The following EYS variants were observed in gnomAD, a reference collection of about 807,000 sequenced individuals.
EYS encodes the protein EGF-like photoreceptor maintenance factor.
EYS carries 250 observed loss-of-function variants against 282.1 expected under a neutral mutation model. That is an observed-to-expected ratio of 0.89 (90% confidence interval 0.80 to 0.98). The LOEUF is 0.98. Among genes scored for constraint, EYS ranks in the 50% least tolerant of loss-of-function variants. The probability of loss-of-function intolerance (pLI) is 0.00; values close to 1 mark genes in which losing one functional copy is unlikely to be tolerated. For missense variants in EYS, 4,016 were observed against 3,709.0 expected (o/e 1.08, Z -2.15); for synonymous variants, 1,355 against 1,282.9 (o/e 1.06, Z -1.20).
At chr6:64,315,801 C>T (rs1485698964) in intron 29 of EYS, among the ~76,000 whole-genome samples, 8 of 151,564 alleles carry the variant, frequency 5.3e-5, no homozygotes, top group African/African-American at 1.9e-4. Flanking sequence ...CTATGAACAT[C>T]GATGAGAAAA....
chr6:64,734,287 T>A (rs1772105220), intron 22 of EYS, among the ~76,000 whole-genome samples: 1 of 152,152 alleles, frequency 6.6e-6, no homozygotes, highest in Admixed American at 6.5e-5. Context: ...CCTTTTATTA[T>A]CCATGTAAGT....
At chr6:65,149,218 T>C (rs1041261471) in intron 12 of EYS, among the ~76,000 whole-genome samples, 1 of 152,126 alleles carries the variant, frequency 6.6e-6, no homozygotes, top group Non-Finnish European at 1.5e-5. Flanking sequence ...ATTTTCTAAA[T>C]TTTTATGCTC....
chr6:64,072,095 G>A (rs1315530103), intron 32 of EYS, among the ~76,000 whole-genome samples: 2 of 152,026 alleles, frequency 1.3e-5, no homozygotes, highest in Non-Finnish European at 2.9e-5. Flanking sequence ...GCAACACAAA[G>A]TAATACATAA....
At chr6:64,552,736 A>ACCC (rs533975424) in intron 26 of EYS, among the ~76,000 whole-genome samples, 1 of 143,506 alleles carries the variant, frequency 7.0e-6, no homozygotes, top group African/African-American at 2.6e-5. Context: ...AACATGGTGA[A>ACCC]CCCCCCCCAC....
chr6:64,758,589 T>G (rs931074233), intron 22 of EYS, among the ~76,000 whole-genome samples: 1 of 152,174 alleles, frequency 6.6e-6, no homozygotes, highest in Non-Finnish European at 1.5e-5. Flanking sequence ...GGAATTACTT[T>G]TCTCCCTCTA....
chr6:64,703,906 A>G (rs1180043768), intron 22 of EYS, among the ~76,000 whole-genome samples: 2 of 152,098 alleles, frequency 1.3e-5, no homozygotes, highest in Non-Finnish European at 2.9e-5. Context: ...GGGCATTATT[A>G]TTTTATCTTT....
At chr6:65,255,050 C>A (rs1431890497) in intron 12 of EYS, among the ~76,000 whole-genome samples, 2 of 151,548 alleles carry the variant, frequency 1.3e-5, no homozygotes, top group Admixed American at 6.6e-5. Flanking sequence ...TATGGAAGCA[C>A]AAAAGACCCA....
rs934388182 is a variant in EYS at position 65,593,113 on chromosome 6, T to A, written c.-333+46665A>T. Among the ~76,000 whole-genome samples the A allele has an allele frequency of 7.9e-5, 12 of 152,030 alleles. No individual in the cohort carries two copies. The East Asian group carries it at 2.3e-3, about 29-fold the overall frequency. On this transcript the variant is annotated intron_variant, in intron 2 of 42. Transcript: ENST00000503581. Reference sequence around the variant, plus strand: ...GTACAGTCCAGTAAATCCTTTGTTTTTGGTCTCTGATGCGTAACCATTAAA... The same window carrying A: ...GTACAGTCCAGTAAATCCTTTGTTTATGGTCTCTGATGCGTAACCATTAAA...
intron 33 of EYS, among the ~76,000 whole-genome samples, chr6:64,048,359 T>A (rs1007996767): frequency 6.6e-6 from 1 of 152,038 alleles, no homozygotes; most frequent in Non-Finnish European, 1.5e-5. Flanking sequence ...AACTTTCCAT[T>A]CAGTTGTTTC....
intron 12 of EYS, among the ~76,000 whole-genome samples, chr6:65,219,368 A>G (rs1766401248): frequency 6.6e-6 from 1 of 152,178 alleles, no homozygotes; most frequent in South Asian, 2.1e-4. Flanking sequence ...AAAACCATAC[A>G]GAATAGTTCA....
intron 22 of EYS, among the ~76,000 whole-genome samples, chr6:64,706,165 C>A (rs1042202154): frequency 9.9e-5 from 15 of 151,866 alleles, no homozygotes; most frequent in Non-Finnish European, 2.2e-4. Flanking sequence ...GAAATAAAGC[C>A]AAATACTTAC....
intron 31 of EYS, among the ~76,000 whole-genome samples, chr6:64,108,432 T>C (rs184258397): frequency 6.6e-6 from 1 of 152,088 alleles, no homozygotes; most frequent in East Asian, 1.9e-4. Context: ...ATTGTTCAGC[T>C]TTTTGCTTGT....
intron 31 of EYS, among the ~76,000 whole-genome samples, chr6:64,094,390 T>G (rs956395796): frequency 2.5e-4 from 38 of 152,302 alleles, no homozygotes; most frequent in Non-Finnish European, 4.4e-4. Flanking sequence ...GGTCCTGGAC[T>G]TTCTTTGGTT....
rs775877185 is a variant in EYS at position 63,806,317 on chromosome 6, T to G, written c.7284A>C (p.Ser2428=). ...FSGTDAFGYT[S]FLAYSRISDI... is the part of the protein sequence containing the mutation. ...CTGAGATCCGTGAATAAGCCAGGAA[T>G]GAGGTGTATCCAAAGGCATCTGTGC... Residue 2428 remains serine, a synonymous_variant, in exon 37 of 43, where the codon TCA becomes TCC. Coordinates refer to ENST00000503581, the MANE Select transcript of EYS (RefSeq NM_001142800.2). The G allele has an allele frequency of 9.9e-5, 154 of 1,551,526 alleles. No homozygotes were observed. Among genetic ancestry groups the G allele is most frequent in the Middle Eastern group, 1.7e-4 (1 of 6,016 alleles).
intron 2 of EYS, among the ~76,000 whole-genome samples, chr6:65,520,316 A>G (rs1767319469): frequency 6.6e-6 from 1 of 152,184 alleles, no homozygotes; most frequent in African/African-American, 2.4e-5. Context: ...CACAAAATTT[A>G]TAGTTCTAGA....
intron 18 of EYS, among the ~76,000 whole-genome samples, chr6:64,900,787 TTGG>T (rs1302957078): frequency 6.6e-6 from 1 of 152,134 alleles, no homozygotes; most frequent in East Asian, 1.9e-4. Context: ...TTTTACACTG[TTGG>T]TGGGAGTGTA....
intron 12 of EYS, among the ~76,000 whole-genome samples, chr6:65,185,545 A>G (rs553720453): frequency 6.6e-6 from 1 of 152,018 alleles, no homozygotes; most frequent in South Asian, 2.1e-4. Context: ...AACCAATGGT[A>G]GAATTACGAT....
At chr6:63,936,089 A>C (rs1365477203) in intron 35 of EYS, among the ~76,000 whole-genome samples, 1 of 152,050 alleles carries the variant, frequency 6.6e-6, no homozygotes, top group African/African-American at 2.4e-5. Flanking sequence ...GTTTTACTTT[A>C]TGTTTAGTTC....
chr6:65,181,378 C>A (rs547233877), intron 12 of EYS, among the ~76,000 whole-genome samples: 2 of 152,016 alleles, frequency 1.3e-5, no homozygotes, highest in Non-Finnish European at 2.9e-5. Context: ...ACAAACAACC[C>A]TATCAAAAAA....
Sources: gnomAD v4.1 joint callset for allele counts (sites outside exome capture counted in the v4.1 genomes callset) on GRCh38, gnomAD v4.1.1 for gene constraint, MANE v1.5 for transcripts, NCBI Gene and HGNC (gene_info 2026-07-23, HGNC 2026-07-21) for gene names.